MOXD1: variants seen among roughly 807,000 people sequenced by gnomAD.
The protein encoded by MOXD1 is DBH-like monooxygenase protein 1.
MOXD1 carries 62 observed loss-of-function variants against 66.6 expected under a neutral mutation model. That is an observed-to-expected ratio of 0.93 (90% CI 0.76 to 1.15). The LOEUF is 1.15. MOXD1 is among the 50% of genes most tolerant of loss of function. The pLI is 0.00. For missense variants in MOXD1, 847 were observed against 754.6 expected (o/e 1.12, Z -1.44); for synonymous variants, 303 against 281.9 (o/e 1.07, Z -0.75).
rs72994815 is a variant in MOXD1, at chr6:132,338,201, C to T, written c.664-9607G>A. 2.9e-3 allele frequency among the ~76,000 whole-genome samples: 436 copies of T among 152,248 alleles called. 2 individuals carry two copies. Among genetic ancestry groups the T allele is most frequent in the South Asian group, 0.022 (105 of 4,816 alleles). ...TGTCACAGCGCAGATTTGACTCTGG[C>T]GGTCTGGATCAAGAATGTGCTCCTG... On this transcript the variant is annotated intron_variant, in intron 4 of 11. Transcript: ENST00000367963.
chr6:132,330,460 C>A (rs1350375217), intron 4 of MOXD1, among the ~76,000 whole-genome samples: 5 of 152,290 alleles, frequency 3.3e-5, no homozygotes, highest in African/African-American at 1.2e-4. Flanking sequence ...AAACCATCTC[C>A]CCCATCCTCC....
intron 4 of MOXD1, among the ~76,000 whole-genome samples, chr6:132,371,330 G>A (rs1776258788): frequency 6.6e-6 from 1 of 152,050 alleles, no homozygotes. Flanking sequence ...TTGCACAGAG[G>A]TAAATGATTC....
chr6:132,323,191 T>C (rs1000804249), intron 7 of MOXD1, among the ~76,000 whole-genome samples: 6 of 152,206 alleles, frequency 3.9e-5, no homozygotes, highest in African/African-American at 1.4e-4. Context: ...GTTAGTAACC[T>C]GAAAACCCAA....
intron 4 of MOXD1, among the ~76,000 whole-genome samples, chr6:132,340,732 C>T (rs1436321659): frequency 6.7e-6 from 1 of 148,412 alleles, no homozygotes; most frequent in African/African-American, 2.5e-5. Context: ...CTGCAAGCTC[C>T]GCCTCCCGGG....
intron 1 of MOXD1, among the ~76,000 whole-genome samples, chr6:132,398,937 A>C (rs72994879): frequency 0.015 from 665 of 43,574 alleles, no homozygotes; most frequent in East Asian, 0.037. Context: ...GACTTTGTCA[A>C]AAAAAAAAAA....
intron 1 of MOXD1, among the ~76,000 whole-genome samples, chr6:132,395,979 T>C (rs931520488): frequency 1.3e-5 from 2 of 152,130 alleles, no homozygotes; most frequent in African/African-American, 4.8e-5. Flanking sequence ...ATTAGACAGG[T>C]CATCTAAACA....
intron 10 of MOXD1, among the ~76,000 whole-genome samples, chr6:132,301,978 A>G (rs1362704677): frequency 3.3e-5 from 5 of 152,196 alleles, no homozygotes; most frequent in African/African-American, 4.8e-5. Context: ...GACGATCTCA[A>G]TAAGTTAAGG....
intron 7 of MOXD1, among the ~76,000 whole-genome samples, chr6:132,323,075 A>C (rs1423041530): frequency 6.6e-6 from 1 of 152,206 alleles, no homozygotes; most frequent in Non-Finnish European, 1.5e-5. Context: ...AGGGGAGCTG[A>C]TGCTTATAAG....
At chr6:132,343,287 A>T (rs949220719) in intron 4 of MOXD1, among the ~76,000 whole-genome samples, 9 of 152,210 alleles carry the variant, frequency 5.9e-5, no homozygotes, top group African/African-American at 1.9e-4. Flanking sequence ...TCAAAACTTC[A>T]TGGAAGTCTG....
intron 2 of MOXD1, 107 bp from the exon 3 acceptor site, chr6:132,373,104 G>T (rs1473812030): frequency 7.8e-5 from 84 of 1,074,050 alleles, no homozygotes; most frequent in Middle Eastern, 2.9e-4. Context: ...GTGAAGAAAA[G>T]ACAATAATGA....
chr6:132,401,385 G>A lies in MOXD1; in HGVS notation c.42C>T (p.Pro14=), dbSNP rs767877904. 3.9e-6 allele frequency: 6 copies of A among 1,537,654 alleles called. No individual in the cohort carries two copies. Among genetic ancestry groups the A allele is most frequent in the Non-Finnish European group, 4.4e-6 (5 of 1,147,814 alleles). ...WPLLLLWGLL[P]GTAAGGSGRT... ...GGCCCGAGCCCCCCGCCGCCGTCCC[G>A]GGGAGCAGCCCCCACAGCAGGAGCA... The change falls in exon 1 of 12, where the codon CCC becomes CCT. Residue 14 remains proline (P), a synonymous_variant. Coordinates refer to ENST00000367963, the MANE Select transcript of MOXD1 (RefSeq NM_015529.4).
At chr6:132,394,824 C>A (rs918513390) in intron 1 of MOXD1, among the ~76,000 whole-genome samples, 1 of 151,932 alleles carries the variant, frequency 6.6e-6, no homozygotes, top group Non-Finnish European at 1.5e-5. Context: ...CATAAAGTGA[C>A]CAAGTATTTG....
At chr6:132,309,859 G>T (rs1442988418) in intron 10 of MOXD1, among the ~76,000 whole-genome samples, 1 of 152,170 alleles carries the variant, frequency 6.6e-6, no homozygotes, top group African/African-American at 2.4e-5. Flanking sequence ...AACTCAGATG[G>T]ATTAAAGACT....
intron 4 of MOXD1, among the ~76,000 whole-genome samples, chr6:132,369,349 A>G (rs998923555): frequency 2.6e-5 from 4 of 152,102 alleles, no homozygotes; most frequent in Non-Finnish European, 5.9e-5. Context: ...AGCACTTATC[A>G]TGCACTGTGG....
chr6:132,370,018 ATTCT>A (rs1449091515), intron 4 of MOXD1, among the ~76,000 whole-genome samples: 5 of 152,252 alleles, frequency 3.3e-5, no homozygotes, highest in Admixed American at 2.6e-4. Flanking sequence ...TGTGATCGAT[ATTCT>A]TAAAACTCAC....
chr6:132,372,869 T>C lies in MOXD1; in HGVS notation c.540A>G (p.Leu180=). ...RLLNPEKTSV[L]STALPYFDLV... Reference sequence around the variant, plus strand: ...GATCAAAGTATGGTAAGGCTGTAGATAGCACACTAGTTTTCTCAGGATTCA... The same window carrying C: ...GATCAAAGTATGGTAAGGCTGTAGACAGCACACTAGTTTTCTCAGGATTCA... The change falls in exon 3 of 12, where the codon CTA becomes CTG. Residue 180 remains leucine (L), a synonymous_variant. Transcript: ENST00000367963. 1.2e-6 allele frequency: 2 copies of C among 1,614,108 alleles called. No individual in the cohort carries two copies. Among genetic ancestry groups the C allele is most frequent in the Non-Finnish European group, 1.7e-6 (2 of 1,179,950 alleles).
intron 1 of MOXD1, chr6:132,392,110 C>T: frequency 9.2e-6 from 13 of 1,415,728 alleles, no homozygotes; most frequent in South Asian, 5.8e-5. Context: ...GCTTTCCAAA[C>T]ATTTCTTTGT....
At chr6:132,375,047 G>T in intron 1 of MOXD1, 1 of 537,182 alleles carries the variant, frequency 1.9e-6, no homozygotes, top group Non-Finnish European at 3.3e-6. Flanking sequence ...ACCATTGTGT[G>T]CCTTTCCTTC....
rs953908259 is a variant in MOXD1, at chr6:132,296,704, C to T, written c.*449G>A. The T allele has an allele frequency of 6.5e-6, 1 of 152,714 alleles. No homozygotes were observed. Among genetic ancestry groups the T allele is most frequent in the African/African-American group, 2.4e-5 (1 of 41,446 alleles). The allele number at this position is 152,714 out of a possible 1,614,324, so 9.5% of individuals were successfully genotyped here. On this transcript the variant is annotated 3_prime_UTR_variant, in exon 12 of 12. Transcript: ENST00000367963. ...AGAATGGCTGTTACACTTGAAAAGT[C>T]ACACTAGAAGAACAACAAAGAAGAA...
Sources: allele counts gnomAD v4.1 joint callset (sites outside exome capture counted in the v4.1 genomes callset), GRCh38; gene constraint gnomAD v4.1.1; transcripts MANE v1.5; gene names NCBI Gene and HGNC (gene_info 2026-07-23, HGNC 2026-07-21).